Variants in PPP2R1B observed in about 807,000 individuals in gnomAD.
PPP2R1B encodes the protein protein phosphatase 2 scaffold subunit Abeta.
In PPP2R1B, 58 loss-of-function variants were observed where a neutral mutation model predicts 72.7. The observed-to-expected ratio is 0.80, with a 90% CI of 0.65 to 0.99. The LOEUF is 0.99. PPP2R1B is among the 50% of genes least tolerant of loss of function. The pLI is 0.00. For synonymous variants in PPP2R1B, 256 were observed against 264.6 expected (o/e 0.97, Z 0.32); for missense variants, 695 against 733.6 (o/e 0.95, Z 0.61).
chr11:111,711,117 A>C, the PPP2R1B span, among the ~76,000 whole-genome samples: 2 of 151,794 alleles, frequency 1.3e-5, no homozygotes, highest in African/African-American at 4.8e-5. Flanking sequence ...TTCTCTTTTA[A>C]ATGATTTTTT....
At chr11:111,761,200 C>T in intron 3 of PPP2R1B, 149 bp from the exon 4 acceptor site, 1 of 768,628 alleles carries the variant, frequency 1.3e-6, no homozygotes, top group South Asian at 1.5e-5. Flanking sequence ...TCAGCTCACA[C>T]AGTGATAACA....
Position 111,741,383 on chromosome 11 carries a change from C to A in PPP2R1B, c.*213G>T, listed in dbSNP as rs1416955350. 3.6e-6 allele frequency: 5 copies of A among 1,390,098 alleles called. No homozygotes were observed. The highest frequency in any genetic ancestry group is 4.6e-6 in the Non-Finnish European group (5 of 1,076,062). 86.1% of individuals were successfully genotyped at this position (1,390,098 alleles called of 1,614,324 possible). Reference sequence around the variant, plus strand: ...GTCAGGAATTGGTCAATAAGAACGGCTTAAATAATGATTTAACAAGGAAGA... The same window carrying A: ...GTCAGGAATTGGTCAATAAGAACGGATTAAATAATGATTTAACAAGGAAGA... On this transcript the variant is annotated 3_prime_UTR_variant, in exon 15 of 15. Coordinates refer to ENST00000527614, the MANE Select transcript of PPP2R1B (RefSeq NM_002716.5).
At position 111,765,325 on chromosome 11, in the gene PPP2R1B, C is replaced by T; in HGVS notation, c.174G>A (p.Arg58=). The T allele has an allele frequency of 1.2e-6, 2 of 1,613,470 alleles. No homozygotes were observed. The highest frequency in any genetic ancestry group is 1.7e-6 in the Non-Finnish European group (2 of 1,179,468). Residue 58 remains arginine, a synonymous_variant, in exon 2 of 15, where the codon AGG becomes AGA. Transcript: ENST00000527614. ...GAAATGGCAACAATTCACTTCGGGT[C>T]CTTTCTACTCCAAGTGCTAGGGCAA... The part of the protein sequence containing the change: ...STIALALGVE[R]TRSELLPFLT...
chr11:111,705,168 C>A, the PPP2R1B span: 135 of 1,535,448 alleles, frequency 8.8e-5, no homozygotes, highest in Middle Eastern at 3.8e-3. This position sits in a 1 kb window ranked among gnomAD's most constrained non-coding sequence, Gnocchi z 4.3. Context: ...AGAGTCTTAT[C>A]TGTGCATGTG....
At chr11:111,762,213 T>A (rs1945353943) in intron 3 of PPP2R1B, among the ~76,000 whole-genome samples, 1 of 151,960 alleles carries the variant, frequency 6.6e-6, no homozygotes, top group South Asian at 2.1e-4. Flanking sequence ...TAACCAAGAG[T>A]GAAACAGAAG....
intron 11 of PPP2R1B, among the ~76,000 whole-genome samples, chr11:111,743,857 A>ACACT (rs917425591): frequency 3.3e-5 from 5 of 152,250 alleles, no homozygotes; most frequent in Admixed American, 2.0e-4. Flanking sequence ...GAAAGCTAAC[A>ACACT]CACTCCATGA....
At position 111,764,859 on chromosome 11, in the gene PPP2R1B, C is replaced by T. The variant is rs1358382595; in HGVS notation, c.252G>A (p.Gln84=). 1.9e-6 allele frequency: 3 copies of T among 1,614,026 alleles called. No homozygotes were observed. The highest frequency in any genetic ancestry group is 3.3e-5 in the Admixed American group (2 of 60,002). Residue 84 remains glutamine, a synonymous_variant, in exon 3 of 15, where the codon CAG becomes CAA. Transcript: ENST00000527614. ...EDEVLLALAE[Q]LGNFTGLVGG... ...CCACTAGGCCAGTGAAATTTCCCAG[C>T]TGCTCAGCAAGAGCTAATAGTACCT...
At chr11:111,697,649 A>G in the PPP2R1B span, among the ~76,000 whole-genome samples, 3 of 152,250 alleles carry the variant, frequency 2.0e-5, 1 homozygote, top group South Asian at 4.1e-4. Flanking sequence ...TTGATCCCCA[A>G]TCTGCCTAAC....
At chr11:111,720,132 T>G in the PPP2R1B span, 1 of 928,796 alleles carries the variant, frequency 1.1e-6, no homozygotes, top group South Asian at 1.6e-5. Context: ...ATGGATTAGA[T>G]TCAGCAGGTA....
At chr11:111,743,910 T>C (rs989683440) in intron 11 of PPP2R1B, among the ~76,000 whole-genome samples, 5 of 152,132 alleles carry the variant, frequency 3.3e-5, no homozygotes, top group Non-Finnish European at 5.9e-5. Context: ...TGTGGCATTG[T>C]GTAGTAAAGG....
chr11:111,715,342 A>C, the PPP2R1B span, among the ~76,000 whole-genome samples: 1 of 152,198 alleles, frequency 6.6e-6, no homozygotes, highest in Non-Finnish European at 1.5e-5. Flanking sequence ...TCAGAGACAC[A>C]GTTCCCTTTT....
intron 10 of PPP2R1B, among the ~76,000 whole-genome samples, chr11:111,751,686 T>G (rs1944912158): frequency 6.6e-6 from 1 of 152,184 alleles, no homozygotes; most frequent in African/African-American, 2.4e-5. Flanking sequence ...TAGAAATGTA[T>G]GCACTAATAG....
At chr11:111,708,616 C>T in the PPP2R1B span, among the ~76,000 whole-genome samples, 1 of 151,968 alleles carries the variant, frequency 6.6e-6, no homozygotes, top group Non-Finnish European at 1.5e-5. Context: ...GATGGGGTCT[C>T]GCTGTGTCAC....
chr11:111,723,717 T>C (rs1943873987), downstream of PPP2R1B: 2 of 1,614,138 alleles, frequency 1.2e-6, no homozygotes, highest in Non-Finnish European at 8.5e-7. Context: ...TACAGCCCTT[T>C]CCTCAGCCAG....
At chr11:111,733,759 A>G (rs1260432066), downstream of PPP2R1B, among the ~76,000 whole-genome samples, 3 of 152,208 alleles carry the variant, frequency 2.0e-5, no homozygotes, top group Non-Finnish European at 2.9e-5. Context: ...CAGTCGCTAC[A>G]GAGCCCAAAT....
chr11:111,765,395 G>A lies in PPP2R1B; in HGVS notation c.115-11C>T, dbSNP rs782415121. ...ACTGTTGAGTCGGAGCTTCAGAAAA[G>A]AAAGTAGAAAGAAGAACAATGTAAA... is the stretch of plus-strand genomic sequence containing the variant. On this transcript the variant is annotated splice_polypyrimidine_tract_variant and intron_variant, in intron 1 of 14. Coordinates refer to ENST00000527614, the MANE Select transcript of PPP2R1B (RefSeq NM_002716.5). 1.3e-6 allele frequency: 2 copies of A among 1,592,430 alleles called. No individual in the cohort carries two copies. The highest frequency in any genetic ancestry group is 8.6e-7 in the Non-Finnish European group (1 of 1,164,144).
At chr11:111,766,223 C>T (rs782274856) in intron 1 of PPP2R1B, 25 bp downstream of exon 1, 66 of 1,611,480 alleles carry the variant, frequency 4.1e-5, no homozygotes, top group Middle Eastern at 1.6e-4. Flanking sequence ...GGTCTCGCCT[C>T]GGGTCCCCGG....
At chr11:111,724,277 TG>T, downstream of PPP2R1B, 1 of 1,173,096 alleles carries the variant, frequency 8.5e-7, no homozygotes, top group East Asian at 2.6e-5. Context: ...AGGGTCTGGC[TG>T]GGGTGGATGT....
chr11:111,693,331 C>CAAAAAAAAAAA, the PPP2R1B span, among the ~76,000 whole-genome samples: 1 of 93,630 alleles, frequency 1.1e-5, no homozygotes, highest in African/African-American at 4.0e-5. Context: ...GACTCCGTCT[C>CAAAAAAAAAAA]AAAAAAAAAA....
Sources: allele counts gnomAD v4.1 joint callset (sites outside exome capture counted in the v4.1 genomes callset), GRCh38; gene constraint gnomAD v4.1.1; non-coding constraint Gnocchi (gnomAD v3.1); transcripts MANE v1.5; gene names NCBI Gene and HGNC (gene_info 2026-07-23, HGNC 2026-07-21).